Variants in BBOX1 observed in about 807,000 individuals in gnomAD.
BBOX1 encodes gamma-butyrobetaine hydroxylase 1.
In BBOX1, 35 loss-of-function variants were observed where a neutral mutation model predicts 41.6. That is an observed-to-expected ratio of 0.84 (90% CI 0.64 to 1.11). BBOX1 has a LOEUF of 1.11. Among genes scored for constraint, BBOX1 ranks in the 50% most tolerant of loss-of-function variants. BBOX1 has a pLI of 0.00. For missense variants in BBOX1, 458 were observed against 460.6 expected (o/e 0.99, Z 0.05); for synonymous variants, 163 against 154.7 (o/e 1.05, Z -0.40).
chr11:27,102,133 G>A (rs1406739671), intron 5 of BBOX1, among the ~76,000 whole-genome samples: 1 of 151,874 alleles, frequency 6.6e-6, no homozygotes, highest in African/African-American at 2.4e-5. Flanking sequence ...TTAAATTGTA[G>A]GGGAGGAAAA....
Position 27,098,594 on chromosome 11 carries a change from C to T in BBOX1, c.533+5228C>T, listed in dbSNP as rs114368928. The stretch of plus-strand genomic sequence containing the variant: ...TGTAGCAATGCATGGCTTTATCATA[C>T]TATAATTCTGGTAAGATAATATTGA... On this transcript the variant is annotated intron_variant, in intron 5 of 8. Coordinates refer to ENST00000263182, the MANE Select transcript of BBOX1 (RefSeq NM_003986.3). 5.8e-3 allele frequency among the ~76,000 whole-genome samples: 888 copies of T among 152,120 alleles called. 14 individuals are homozygous for T. The highest frequency in any genetic ancestry group is 0.02 in the African/African-American group (827 of 41,538).
intron 4 of BBOX1, among the ~76,000 whole-genome samples, chr11:27,082,307 G>A: frequency 6.6e-6 from 1 of 152,114 alleles, no homozygotes; most frequent in Non-Finnish European, 1.5e-5. Context: ...GCAGAAGAAA[G>A]AAGCTGTGAC....
chr11:27,054,234 T>TGTGTGTGTGTGTGTGTGTGC (rs1491475061), intron 2 of BBOX1, among the ~76,000 whole-genome samples: 2,358 of 148,262 alleles, frequency 0.016, 34 homozygotes, highest in Non-Finnish European at 0.02. Context: ...TGTGTGTGTG[T>TGTGTGTGTGTGTGTGTGTGC]GCGTGCACAT....
intron 4 of BBOX1, among the ~76,000 whole-genome samples, chr11:27,070,995 G>A (rs1360719917): frequency 1.3e-5 from 2 of 152,088 alleles, no homozygotes; most frequent in East Asian, 3.9e-4. Context: ...GCATTTGCTT[G>A]TCTGAAAATG....
intron 4 of BBOX1, among the ~76,000 whole-genome samples, chr11:27,059,974 T>C (rs532271984): frequency 3.9e-5 from 6 of 152,306 alleles, no homozygotes; most frequent in African/African-American, 1.4e-4. Flanking sequence ...TTTGAGTTAA[T>C]GCTAGAATGA....
At chr11:27,104,294 T>G (rs1026390093) in intron 5 of BBOX1, among the ~76,000 whole-genome samples, 1 of 152,208 alleles carries the variant, frequency 6.6e-6, no homozygotes, top group African/African-American at 2.4e-5. Context: ...AGATCCATCA[T>G]GTACCCAGTT....
chr11:27,113,701 G>A (rs1205594083), intron 5 of BBOX1, among the ~76,000 whole-genome samples: 3 of 151,420 alleles, frequency 2.0e-5, no homozygotes. Flanking sequence ...TCACCTACTG[G>A]CTACTATATA....
Position 27,127,551 on chromosome 11 carries a change from T to C in BBOX1, c.*98T>C. 1 of 1,358,232 alleles carries C rather than the reference T, an allele frequency of 7.4e-7. No individual in the cohort carries two copies. The highest frequency in any genetic ancestry group is 1.0e-6 in the Non-Finnish European group (1 of 1,000,948). The allele number at this position is 1,358,232 out of a possible 1,614,324, so 84.1% of individuals were successfully genotyped here. ...CATGATCTTTGTGATTTACATATAA[T>C]TTCCTTAACAATGAACATGTAACTT... On this transcript the variant is annotated 3_prime_UTR_variant, in exon 9 of 9. Transcript: ENST00000263182.
At chr11:27,124,392 T>A (rs1367843926) in intron 7 of BBOX1, among the ~76,000 whole-genome samples, 1 of 152,216 alleles carries the variant, frequency 6.6e-6, no homozygotes, top group Non-Finnish European at 1.5e-5. Flanking sequence ...CGTCTGAAGG[T>A]CCACCTTCCC....
At chr11:27,112,954 A>C (rs1004795159) in intron 5 of BBOX1, among the ~76,000 whole-genome samples, 1 of 151,944 alleles carries the variant, frequency 6.6e-6, no homozygotes, top group African/African-American at 2.4e-5. Context: ...ATAAATTTAC[A>C]AGCAAAAAAC....
intron 4 of BBOX1, among the ~76,000 whole-genome samples, chr11:27,091,680 G>T (rs1322267113): frequency 6.6e-6 from 1 of 151,918 alleles, no homozygotes; most frequent in Non-Finnish European, 1.5e-5. Flanking sequence ...TTCAGTTCTG[G>T]TTACTCCTCA....
intron 4 of BBOX1, among the ~76,000 whole-genome samples, chr11:27,061,771 T>G (rs1398557319): frequency 6.6e-6 from 1 of 152,162 alleles, no homozygotes; most frequent in African/African-American, 2.4e-5. Flanking sequence ...TCCAAAAAAC[T>G]TTTATCATGG....
At chr11:27,118,367 G>T (rs1216110030) in intron 6 of BBOX1, among the ~76,000 whole-genome samples, 1 of 152,018 alleles carries the variant, frequency 6.6e-6, no homozygotes, top group Admixed American at 6.6e-5. Flanking sequence ...CAGGTGAGTT[G>T]TGCCAAGGTT....
At chr11:27,108,703 G>A (rs1414530865) in intron 5 of BBOX1, among the ~76,000 whole-genome samples, 3 of 151,948 alleles carry the variant, frequency 2.0e-5, no homozygotes, top group Non-Finnish European at 4.4e-5. Flanking sequence ...CATATGGATG[G>A]CTGCTTGACC....
intron 4 of BBOX1, among the ~76,000 whole-genome samples, chr11:27,083,425 G>A (rs1299021592): frequency 2.6e-5 from 4 of 151,936 alleles, no homozygotes; most frequent in African/African-American, 4.8e-5. Context: ...TCTGGTACAC[G>A]CCCTCTTGCC....
chr11:27,101,879 T>C (rs564440586), intron 5 of BBOX1, among the ~76,000 whole-genome samples: 1 of 152,226 alleles, frequency 6.6e-6, no homozygotes, highest in Non-Finnish European at 1.5e-5. Flanking sequence ...GTTAGGAAAT[T>C]TCAAGTATAT....
chr11:27,056,623 A>G (rs958320868), intron 3 of BBOX1, among the ~76,000 whole-genome samples: 1 of 152,106 alleles, frequency 6.6e-6, no homozygotes, highest in African/African-American at 2.4e-5. Flanking sequence ...TTATCACAGA[A>G]AGTTTGGGGA....
intron 8 of BBOX1, among the ~76,000 whole-genome samples, chr11:27,127,090 G>T (rs1859691329): frequency 6.6e-6 from 1 of 152,176 alleles, no homozygotes; most frequent in Non-Finnish European, 1.5e-5. Context: ...AGGCTAGGTA[G>T]TTTAATTGTC....
intron 2 of BBOX1, among the ~76,000 whole-genome samples, chr11:27,054,366 T>A (rs1231225116): frequency 6.6e-6 from 1 of 152,186 alleles, no homozygotes; most frequent in East Asian, 1.9e-4. Context: ...GGAGCTCTAC[T>A]TCTCGCATAT....
Sources: gnomAD v4.1 joint callset for allele counts (sites outside exome capture counted in the v4.1 genomes callset) on GRCh38, gnomAD v4.1.1 for gene constraint, MANE v1.5 for transcripts, NCBI Gene and HGNC (gene_info 2026-07-23, HGNC 2026-07-21) for gene names.